Variants in IL19 observed in about 807,000 individuals in gnomAD.
IL19 encodes the protein interleukin-19.
A neutral mutation model predicts 19.5 loss-of-function variants in IL19; 15 were observed. The ratio of observed to expected loss-of-function variants is 0.77; its 90% CI spans 0.52 to 1.19. The LOEUF (loss-of-function observed/expected upper bound fraction) is 1.19. IL19 is among the 50% of genes most tolerant of loss of function. The pLI, the probability that IL19 is intolerant of heterozygous loss-of-function variation, is 0.00. For synonymous variants in IL19, 78 were observed against 78.3 expected (o/e 1.00, Z 0.02); for missense variants, 199 against 213.1 (o/e 0.93, Z 0.41).
intron 2 of IL19, among the ~76,000 whole-genome samples, chr1:206,805,270 G>C (rs1675820963): frequency 1.3e-5 from 2 of 152,216 alleles, no homozygotes; most frequent in South Asian, 4.1e-4. Context: ...GTGCCAACTT[G>C]TGCAGCCATT....
chr1:206,813,050 G>T (rs962999172), intron 2 of IL19, among the ~76,000 whole-genome samples: 1 of 152,198 alleles, frequency 6.6e-6, no homozygotes, highest in Admixed American at 6.5e-5. Flanking sequence ...GAAATGAATT[G>T]TTTTGTGGTT....
intron 1 of IL19, among the ~76,000 whole-genome samples, chr1:206,784,009 A>T (rs1247793377): frequency 6.6e-6 from 1 of 152,226 alleles, no homozygotes; most frequent in African/African-American, 2.4e-5. Flanking sequence ...GCTAAAAGCT[A>T]AGTATGTCTC....
In IL19 at chr1:206,842,669, G is replaced by T. The variant is rs186540222; in HGVS notation, c.*47G>T. Reference sequence around the variant, plus strand: ...ATCCAGGGATGAACACCCCCTGTGCGGTTTACTGTGGGAGACAGCCCACCT... The same window carrying T: ...ATCCAGGGATGAACACCCCCTGTGCTGTTTACTGTGGGAGACAGCCCACCT... On this transcript the variant is annotated 3_prime_UTR_variant, in exon 7 of 7. Coordinates refer to ENST00000659997, the MANE Select transcript of IL19 (RefSeq NM_153758.5). 2.4e-5 allele frequency: 28 copies of T among 1,177,304 alleles called. No individual in the cohort carries two copies. Among genetic ancestry groups the T allele is most frequent in the Non-Finnish European group, 3.2e-5 (26 of 810,696 alleles). The allele number at this position is 1,177,304 out of a possible 1,614,324, so 72.9% of individuals were successfully genotyped here. A position where few individuals can be genotyped will look rare whatever the true frequency, so the allele number is the denominator to read the frequency against.
intron 2 of IL19, among the ~76,000 whole-genome samples, chr1:206,804,192 C>T (rs1251071521): frequency 6.6e-6 from 1 of 152,158 alleles, no homozygotes; most frequent in Non-Finnish European, 1.5e-5. Flanking sequence ...ATTCACCTGC[C>T]TATCAAGTTT....
chr1:206,799,123 G>A lies in IL19; in HGVS notation c.-3+117G>A, dbSNP rs931434613. ...TTTTCAGACACCTATGAACTGACAG[G>A]ACTGCCTTTGTCTGTCATAAAGTTC... On this transcript the variant is annotated intron_variant, in intron 2 of 6. Coordinates refer to ENST00000659997, the MANE Select transcript of IL19 (RefSeq NM_153758.5). 6 of 739,354 alleles carry A rather than the reference G, an allele frequency of 8.1e-6. No homozygotes were observed. The Admixed American group carries it at 9.9e-5, about 12-fold the overall frequency. The allele number at this position is 739,354 out of a possible 1,614,324, so 45.8% of individuals were successfully genotyped here.
chr1:206,834,415 G>A (rs180876688), intron 2 of IL19: 1 of 985,666 alleles, frequency 1.0e-6, no homozygotes, highest in African/African-American at 1.7e-5. Flanking sequence ...GGCTCACGCT[G>A]TCCGTCATCA....
In IL19 at chr1:206,804,439, C is replaced by A. The variant is rs977569489; in HGVS notation, c.-3+5433C>A. Among the ~76,000 whole-genome samples the A allele has an allele frequency of 2.6e-5, 4 of 152,226 alleles. No individual in the cohort carries two copies. In the East Asian group the frequency reaches 7.7e-4, roughly 29 times the overall value. On this transcript the variant is annotated intron_variant, in intron 2 of 6. Coordinates refer to ENST00000659997, the MANE Select transcript of IL19 (RefSeq NM_153758.5). ...CATTTGATTCCCTATATGACAATAA[C>A]CCCCAGGTTGAGTGCACTGAAATAA...
At chr1:206,790,944 C>A (rs915986054) in intron 1 of IL19, among the ~76,000 whole-genome samples, 1 of 152,158 alleles carries the variant, frequency 6.6e-6, no homozygotes, top group Non-Finnish European at 1.5e-5. Context: ...TGATAGATGA[C>A]CTTTGATATC....
At chr1:206,785,956 G>T (rs190638260) in intron 1 of IL19, among the ~76,000 whole-genome samples, 2 of 152,160 alleles carry the variant, frequency 1.3e-5, no homozygotes, top group East Asian at 1.9e-4. Context: ...ACATATATCT[G>T]GTCAAAGGGG....
chr1:206,833,768 A>G (rs1395200610), intron 2 of IL19: 2 of 985,456 alleles, frequency 2.0e-6, no homozygotes, highest in Admixed American at 6.1e-5. Context: ...TCCAGGGGAC[A>G]AGATGAAGGG....
chr1:206,820,668 T>C (rs1007349427), intron 2 of IL19, among the ~76,000 whole-genome samples: 2 of 152,258 alleles, frequency 1.3e-5, no homozygotes, highest in African/African-American at 4.8e-5. Flanking sequence ...AATGTGGACA[T>C]GGCTGGGTGA....
At chr1:206,808,751 C>T (rs1675923950) in intron 2 of IL19, among the ~76,000 whole-genome samples, 1 of 152,172 alleles carries the variant, frequency 6.6e-6, no homozygotes, top group African/African-American at 2.4e-5. Flanking sequence ...TGTGTGCCTG[C>T]AGTTGACACA....
intron 1 of IL19, among the ~76,000 whole-genome samples, chr1:206,773,687 A>G (rs1674921218): frequency 6.7e-6 from 1 of 149,486 alleles, no homozygotes; most frequent in Non-Finnish European, 1.5e-5. Context: ...TACCTGGGGA[A>G]GGACCGGGGC....
intron 1 of IL19, among the ~76,000 whole-genome samples, chr1:206,775,252 C>T (rs1674962726): frequency 6.6e-6 from 1 of 151,976 alleles, no homozygotes; most frequent in African/African-American, 2.4e-5. Flanking sequence ...CGGGGTTTCA[C>T]TGTGTTAACC....
At chr1:206,776,297 G>T (rs1674989012) in intron 1 of IL19, among the ~76,000 whole-genome samples, 1 of 152,130 alleles carries the variant, frequency 6.6e-6, no homozygotes, top group Non-Finnish European at 1.5e-5. Context: ...AGGAGAGATA[G>T]GAGGTGGTAA....
intron 1 of IL19, among the ~76,000 whole-genome samples, chr1:206,793,018 G>A (rs1022172134): frequency 9.9e-5 from 15 of 152,194 alleles, no homozygotes; most frequent in African/African-American, 3.6e-4. Context: ...CCCCAAGAAT[G>A]GTTTGCATTT....
At chr1:206,807,795 C>A (rs1225137294) in intron 2 of IL19, among the ~76,000 whole-genome samples, 1 of 152,002 alleles carries the variant, frequency 6.6e-6, no homozygotes, top group Non-Finnish European at 1.5e-5. Flanking sequence ...AAATGGTGTG[C>A]AATTTATATT....
At chr1:206,781,930 C>CATATATATGTATATAGTT (rs1558606336) in intron 1 of IL19, among the ~76,000 whole-genome samples, 1 of 99,714 alleles carries the variant, frequency 1.0e-5, no homozygotes, top group African/African-American at 4.1e-5. Context: ...GTTATATATA[C>CATATATATGTATATAGTT]ATATATATGT....
At chr1:206,811,501 A>G (rs1210352370) in intron 2 of IL19, among the ~76,000 whole-genome samples, 2 of 150,780 alleles carry the variant, frequency 1.3e-5, no homozygotes, top group East Asian at 3.9e-4. Context: ...CTTTCATTCT[A>G]TTTCCAGACC....
Sources: gnomAD v4.1 joint callset for allele counts (sites outside exome capture counted in the v4.1 genomes callset) on GRCh38, gnomAD v4.1.1 for gene constraint, MANE v1.5 for transcripts, NCBI Gene and HGNC (gene_info 2026-07-23, HGNC 2026-07-21) for gene names.